The following DLGAP2 variants were observed in gnomAD, a reference collection of about 807,000 sequenced individuals.
DLGAP2 encodes the protein disks large-associated protein 2.
DLGAP2 carries 26 observed loss-of-function variants against 100.3 expected under a neutral mutation model. The observed-to-expected ratio is 0.26, with a 90% confidence interval of 0.19 to 0.36. The LOEUF is 0.36. DLGAP2 is among the 10% of genes least tolerant of loss of function. The pLI, the probability that DLGAP2 is intolerant of heterozygous loss-of-function variation, is 1.00. For missense variants in DLGAP2, 1,858 were observed against 1,453.2 expected (o/e 1.28, Z -4.53); for synonymous variants, 886 against 630.1 (o/e 1.41, Z -6.08).
chr8:791,464 C>T (rs1327762102), intron 1 of DLGAP2, among the ~76,000 whole-genome samples: 2 of 152,208 alleles, frequency 1.3e-5, no homozygotes, highest in South Asian at 2.1e-4. Context: ...TCTTTTCACC[C>T]TTCAAATTCC....
intron 1 of DLGAP2, among the ~76,000 whole-genome samples, chr8:889,594 C>G (rs180758220): frequency 1.6e-4 from 24 of 152,346 alleles, no homozygotes; most frequent in African/African-American, 5.5e-4. Flanking sequence ...GTGTGTTGCG[C>G]TGTGCAGACA....
chr8:989,197 C>T (rs1046946988), intron 2 of DLGAP2, among the ~76,000 whole-genome samples: 5 of 152,136 alleles, frequency 3.3e-5, no homozygotes, highest in Non-Finnish European at 5.9e-5. Context: ...GGGGCTCTCC[C>T]GCATGCCACA....
intron 1 of DLGAP2, among the ~76,000 whole-genome samples, chr8:767,127 G>A (rs1821234457): frequency 6.6e-6 from 1 of 152,154 alleles, no homozygotes. Context: ...TGAGGTTGGT[G>A]TCCTGGTTAT....
chr8:1,012,987 T>C (rs1333410710), intron 2 of DLGAP2, among the ~76,000 whole-genome samples: 1 of 152,124 alleles, frequency 6.6e-6, no homozygotes, highest in East Asian at 1.9e-4. Context: ...GTTTTGCAGA[T>C]GAGGAAGTTG....
chr8:1,366,636 G>A (rs189863318), intron 3 of DLGAP2, among the ~76,000 whole-genome samples: 23 of 152,268 alleles, frequency 1.5e-4, no homozygotes, highest in African/African-American at 3.1e-4. Context: ...ACCCAATGGC[G>A]TGGAGAGGTG....
At chr8:1,259,622 A>T (rs1410773948) in intron 3 of DLGAP2, 1 of 152,188 alleles carries the variant, frequency 6.6e-6, no homozygotes, top group Non-Finnish European at 1.5e-5. Flanking sequence ...AGCCAACCCC[A>T]GGAATGTGCC....
chr8:800,409 G>A (rs1796124042), intron 1 of DLGAP2, among the ~76,000 whole-genome samples: 1 of 152,238 alleles, frequency 6.6e-6, no homozygotes, highest in Admixed American at 6.5e-5. Flanking sequence ...GAGTTTAGAC[G>A]GTTGTACACA....
intron 2 of DLGAP2, among the ~76,000 whole-genome samples, chr8:916,204 A>C (rs1303909869): frequency 6.6e-6 from 1 of 152,236 alleles, no homozygotes. Flanking sequence ...AGGTTACCTT[A>C]AAGTCTTTCC....
rs563260197 is a variant in DLGAP2, at chr8:1,570,944, T to C, written c.1442+5050T>C. ...AGAGAGGGTGAACTGTGGGGGTGTC[T>C]GATGAGATGGAGAGGAGAGAGGGGT... On this transcript the variant is annotated intron_variant, in intron 6 of 14. Transcript: ENST00000637795. Among the ~76,000 whole-genome samples, 13 of 135,132 alleles carry C rather than the reference T, an allele frequency of 9.6e-5. No individual in the cohort carries two copies. In the South Asian group the frequency reaches 3.3e-3, roughly 34 times the overall value. The allele number at this position is 135,132 out of a possible 152,430, so 88.7% of individuals were successfully genotyped here.
chr8:1,140,047 G>A (rs1585097318), intron 2 of DLGAP2, among the ~76,000 whole-genome samples: 1 of 152,116 alleles, frequency 6.6e-6, no homozygotes, highest in Non-Finnish European at 1.5e-5. Flanking sequence ...TTTAAATGGT[G>A]CTTTTTTTCT....
At chr8:1,226,907 G>A (rs893520619) in intron 2 of DLGAP2, among the ~76,000 whole-genome samples, 1 of 151,754 alleles carries the variant, frequency 6.6e-6, no homozygotes, top group South Asian at 2.1e-4. Context: ...CCACACTTCA[G>A]CAGGAAAGTA....
chr8:1,082,259 G>A (rs947306064), intron 2 of DLGAP2, among the ~76,000 whole-genome samples: 2 of 152,080 alleles, frequency 1.3e-5, no homozygotes, highest in African/African-American at 4.8e-5. Context: ...TTTGAAAATT[G>A]TTTTCAAGAA....
chr8:1,555,407 T>C (rs541245283), intron 5 of DLGAP2, among the ~76,000 whole-genome samples: 1 of 152,314 alleles, frequency 6.6e-6, no homozygotes, highest in South Asian at 2.1e-4. Context: ...GGCCACACCA[T>C]TTCCTGACTG....
At chr8:1,316,308 C>T (rs1458029287) in intron 3 of DLGAP2, among the ~76,000 whole-genome samples, 12 of 134,754 alleles carry the variant, frequency 8.9e-5, no homozygotes, top group African/African-American at 2.2e-4. Context: ...GGTCTACACT[C>T]GAGAAACTTG....
intron 1 of DLGAP2, among the ~76,000 whole-genome samples, chr8:798,795 T>C (rs1373843639): frequency 4.1e-4 from 49 of 120,796 alleles, no homozygotes; most frequent in South Asian, 3.3e-3. Context: ...CGTGCCCTGG[T>C]GCTGGCCAGG....
chr8:1,584,207 T>C (rs1796041816), intron 6 of DLGAP2, among the ~76,000 whole-genome samples: 1 of 152,200 alleles, frequency 6.6e-6, no homozygotes, highest in African/African-American at 2.4e-5. Context: ...TCAGGGATTA[T>C]TGATAATCAA....
intron 4 of DLGAP2, among the ~76,000 whole-genome samples, chr8:1,545,794 A>G (rs936852483): frequency 5.9e-5 from 9 of 152,236 alleles, no homozygotes; most frequent in African/African-American, 1.9e-4. Flanking sequence ...AATTTAATTC[A>G]TTTCAGTTAA....
intron 2 of DLGAP2, among the ~76,000 whole-genome samples, chr8:1,066,382 A>ACG (rs1237895382): frequency 6.8e-6 from 1 of 146,474 alleles, no homozygotes; most frequent in South Asian, 2.2e-4. Context: ...GTTCCCCACC[A>ACG]GGATCAGGTC....
intron 2 of DLGAP2, among the ~76,000 whole-genome samples, chr8:1,240,678 A>G (rs140951466): frequency 0.014 from 2,165 of 150,680 alleles, 32 homozygotes; most frequent in South Asian, 0.069. Flanking sequence ...GTTCTCTCAC[A>G]TGGCGCCATG....
Sources: gnomAD v4.1 joint callset for allele counts (sites outside exome capture counted in the v4.1 genomes callset) on GRCh38, gnomAD v4.1.1 for gene constraint, MANE v1.5 for transcripts, NCBI Gene and HGNC (gene_info 2026-07-23, HGNC 2026-07-21) for gene names.